PRDM14: variants seen among roughly 807,000 people sequenced by gnomAD.
The protein encoded by PRDM14 is PR domain zinc finger protein 14.
A neutral mutation model predicts 48.0 loss-of-function variants in PRDM14; 16 were observed. That is an observed-to-expected ratio of 0.33 (90% CI 0.23 to 0.51). PRDM14 has a LOEUF of 0.51. Ranked by LOEUF, PRDM14 falls within the 20% of genes least tolerant of loss-of-function variation. The pLI is 0.97. For synonymous variants in PRDM14, 264 were observed against 276.6 expected (o/e 0.95, Z 0.45); for missense variants, 566 against 719.6 (o/e 0.79, Z 2.44).
At chr8:70,070,703 G>A (rs1233695232) in intron 1 of PRDM14, among the ~76,000 whole-genome samples, 1 of 152,230 alleles carries the variant, frequency 6.6e-6, no homozygotes, top group East Asian at 1.9e-4. Context: ...GGAGCCGCGT[G>A]GACGAGCCCT....
chr8:70,053,683 C>T (rs963503391), intron 7 of PRDM14, among the ~76,000 whole-genome samples: 1 of 152,204 alleles, frequency 6.6e-6, no homozygotes, highest in Non-Finnish European at 1.5e-5. Flanking sequence ...AGCCACCACG[C>T]CCAGCTCAGT....
chr8:70,066,820 G>T (rs1317337902), intron 4 of PRDM14, among the ~76,000 whole-genome samples: 1 of 151,964 alleles, frequency 6.6e-6, no homozygotes, highest in African/African-American at 2.4e-5. Context: ...CGAATTCCTG[G>T]GCTCAAATGA....
In PRDM14 at chr8:70,068,498, G is replaced by A. The variant is rs147952814; in HGVS notation, c.735C>T (p.Asp245=). Reference sequence around the variant, plus strand: ...GCCTACCTTCTGGAAGTTGAAGGGAGTCTTTATCCAGAGTTTGAGGAAGAG... The same window carrying A: ...GCCTACCTTCTGGAAGTTGAAGGGAATCTTTATCCAGAGTTTGAGGAAGAG... ...SDSLPQTLDK[D]SLQLPEGLCL... The change falls in exon 3 of 8, where the codon GAC becomes GAT. Residue 245 remains aspartate (D), a synonymous_variant. Coordinates refer to ENST00000276594, the MANE Select transcript of PRDM14 (RefSeq NM_024504.4). The A allele has an allele frequency of 9.3e-6, 15 of 1,614,144 alleles. No individual in the cohort carries two copies. The African/African-American group carries it at 1.3e-4, about 14-fold the overall frequency.
At chr8:70,057,322 A>G (rs558349698) in intron 6 of PRDM14, among the ~76,000 whole-genome samples, 1 of 150,806 alleles carries the variant, frequency 6.6e-6, no homozygotes, top group East Asian at 2.0e-4. Context: ...TTTGCTTGAT[A>G]AGACAATATT....
chr8:70,053,541 A>G (rs1466190707), intron 7 of PRDM14, among the ~76,000 whole-genome samples: 1 of 152,012 alleles, frequency 6.6e-6, no homozygotes, highest in Non-Finnish European at 1.5e-5. Context: ...CAGGTGCACT[A>G]TGATGCCCAG....
chr8:70,051,979 G>T lies in PRDM14; in HGVS notation c.*98C>A. 1.3e-6 allele frequency: 1 copy of T among 786,228 alleles called. No individual in the cohort carries two copies. The highest frequency in any genetic ancestry group is 2.1e-6 in the Non-Finnish European group (1 of 483,516). The allele number at this position is 786,228 out of a possible 1,614,324, so 48.7% of individuals were successfully genotyped here. A position where few individuals can be genotyped will look rare whatever the true frequency, so the allele number is the denominator to read the frequency against. ...GGTAGAGACAGGATTTCACCATGTT[G>T]CCCAGGCTGGTCTCGAACTCCTGGA... On this transcript the variant is annotated 3_prime_UTR_variant, in exon 8 of 8. Transcript: ENST00000276594.
chr8:70,052,854 G>A (rs2131033284), intron 7 of PRDM14, among the ~76,000 whole-genome samples: 1 of 106,484 alleles, frequency 9.4e-6, no homozygotes, highest in Admixed American at 1.3e-4. Flanking sequence ...GACAGAGTGA[G>A]ACTCTGTCTC....
At chr8:70,067,528 A>AAAC (rs1228336436) in intron 4 of PRDM14, among the ~76,000 whole-genome samples, 111 of 145,468 alleles carry the variant, frequency 7.6e-4, no homozygotes, top group African/African-American at 2.9e-3. Flanking sequence ...AAGAAAAAAA[A>AAAC]AACAAAAAAA....
At chr8:70,070,223 G>C (rs1272077861) in intron 1 of PRDM14, among the ~76,000 whole-genome samples, 1 of 152,082 alleles carries the variant, frequency 6.6e-6, no homozygotes, top group Non-Finnish European at 1.5e-5. Context: ...CCCCAACCCG[G>C]TTCCTGCAAA....
In PRDM14 at chr8:70,069,514, C is replaced by T; in HGVS notation, c.347G>A (p.Ser116Asn). The change falls in exon 2 of 8, where the codon AGC becomes AAC. Residue 116 changes from serine to asparagine, a missense_variant. This residue lies in a region of PRDM14 where 410 missense variants were observed against 424.6 expected (regional missense o/e 0.97). Coordinates refer to ENST00000276594, the MANE Select transcript of PRDM14 (RefSeq NM_024504.4). ...HVPREVPPFL[S>N]SSHEYAGASS... is the part of the protein sequence containing the mutation. ...GGCACCCGCGTACTCGTGGCTGCTG[C>T]TCAGGAAGGGCGGCACTTCCCTGGG... 6.2e-7 allele frequency: 1 copy of T among 1,600,970 alleles called. No homozygotes were observed. Among genetic ancestry groups the T allele is most frequent in the African/African-American group, 1.3e-5 (1 of 74,870 alleles).
chr8:70,070,705 A>T (rs1237636851), intron 1 of PRDM14, among the ~76,000 whole-genome samples: 1 of 152,198 alleles, frequency 6.6e-6, no homozygotes, highest in Admixed American at 6.5e-5. Context: ...AGCCGCGTGG[A>T]CGAGCCCTGG....
Position 70,055,156 on chromosome 8 carries a change from T to C in PRDM14, c.1488+144A>G, listed in dbSNP as rs1585647128. ...TGACCATCTTTAGCAAACTTGAGCA[T>C]ATTTAGGGGTGGAAATGAGGACTGG... On this transcript the variant is annotated intron_variant, in intron 7 of 7. Coordinates refer to ENST00000276594, the MANE Select transcript of PRDM14 (RefSeq NM_024504.4). 5 of 502,708 alleles carry C rather than the reference T, an allele frequency of 9.9e-6. No homozygotes were observed. In the East Asian group the frequency reaches 1.5e-4, roughly 15 times the overall value. 31.1% of individuals were successfully genotyped at this position (502,708 alleles called of 1,614,324 possible). A position where few individuals can be genotyped will look rare whatever the true frequency, so the allele number is the denominator to read the frequency against.
rs756950875 is a variant in PRDM14 at position 70,068,239 on chromosome 8, C to T, written c.903G>A (p.Val301=). Residue 301 remains valine, a synonymous_variant, in exon 4 of 8, where the codon GTG becomes GTA. Coordinates refer to ENST00000276594, the MANE Select transcript of PRDM14 (RefSeq NM_024504.4). ...SEVKTYGDNS[V]MWEIFEDGHL... ...CCAGAAACAGATTTACCTCCCACAT[C>T]ACAGAATTGTCTCCGTAGGTCTTCA... 1 of 1,614,254 alleles carries T rather than the reference C, an allele frequency of 6.2e-7. No individual in the cohort carries two copies. Among genetic ancestry groups the T allele is most frequent in the Non-Finnish European group, 8.5e-7 (1 of 1,180,052 alleles).
intron 5 of PRDM14, among the ~76,000 whole-genome samples, chr8:70,065,652 G>A (rs1419997180): frequency 6.6e-6 from 1 of 152,092 alleles, no homozygotes; most frequent in Non-Finnish European, 1.5e-5. Flanking sequence ...GAGACCCATA[G>A]TAGGCAATGT....
At position 70,061,963 on chromosome 8, in the gene PRDM14, T is replaced by C. The variant is rs759127382; in HGVS notation, c.1184-3121A>G. 6.6e-5 allele frequency among the ~76,000 whole-genome samples: 10 copies of C among 152,270 alleles called. No individual in the cohort carries two copies. In the East Asian group the frequency reaches 1.7e-3, roughly 26 times the overall value. ...GACCTTAAAGAGGAAGGCTCCCACC[T>C]ACCACCAATCCCCACCAAAAAGCCT... On this transcript the variant is annotated intron_variant, in intron 5 of 7. Coordinates refer to ENST00000276594, the MANE Select transcript of PRDM14 (RefSeq NM_024504.4).
chr8:70,055,148 CTT>C, intron 7 of PRDM14, 150 bp downstream of exon 7: 1 of 490,666 alleles, frequency 2.0e-6, no homozygotes, highest in East Asian at 3.1e-5. Context: ...CTTTAGCAAA[CTT>C]GAGCATATTT....
chr8:70,061,924 C>T (rs949301423), intron 5 of PRDM14, among the ~76,000 whole-genome samples: 1 of 152,154 alleles, frequency 6.6e-6, no homozygotes, highest in South Asian at 2.1e-4. Flanking sequence ...CTAGACCCTT[C>T]CCTCACCACT....
At chr8:70,061,897 AC>A (rs1291086770) in intron 5 of PRDM14, among the ~76,000 whole-genome samples, 1 of 151,938 alleles carries the variant, frequency 6.6e-6, no homozygotes, top group Non-Finnish European at 1.5e-5. Flanking sequence ...TATTCAAATA[AC>A]CCGCCCACAT....
In PRDM14 at chr8:70,068,400, C is replaced by G; in HGVS notation, c.755-13G>C. On this transcript the variant is annotated splice_polypyrimidine_tract_variant and intron_variant, in intron 3 of 7. Coordinates refer to ENST00000276594, the MANE Select transcript of PRDM14 (RefSeq NM_024504.4). ...ATGAGGCATAGACCTAGGGGAAAGC[C>G]GAGGCAGGAAAAGAGAATGAGGAGA... 6.2e-7 allele frequency: 1 copy of G among 1,614,002 alleles called. No homozygotes were observed. Among genetic ancestry groups the G allele is most frequent in the Non-Finnish European group, 8.5e-7 (1 of 1,179,998 alleles).
Sources: gnomAD v4.1 joint callset for allele counts (sites outside exome capture counted in the v4.1 genomes callset) on GRCh38, gnomAD v4.1.1 for gene constraint, gnomAD v4.1.1 regional missense constraint, MANE v1.5 for transcripts, NCBI Gene and HGNC (gene_info 2026-07-23, HGNC 2026-07-21) for gene names.